Variants in DMRTC1B observed in about 807,000 individuals in gnomAD.
DMRTC1B encodes doublesex- and mab-3-related transcription factor C1.
At chrX:72,820,521 T>C (rs1556348277) in intron 1 of DMRTC1B, among the ~76,000 whole-genome samples, 2 of 113,404 alleles carry the variant, frequency 1.8e-5, no homozygotes, top group East Asian at 2.8e-4. Flanking sequence ...ATTTCTTTTT[T>C]TTTTTTTTTT....
intron 1 of DMRTC1B, among the ~76,000 whole-genome samples, chrX:72,794,960 TC>T (rs2054627470): frequency 1.3e-5 from 1 of 75,551 alleles, no homozygotes; most frequent in Admixed American, 1.6e-4. Context: ...TTTTTAAGAT[TC>T]CACATCTGAG....
chrX:72,839,308 T>G (rs1343832944), intron 1 of DMRTC1B, among the ~76,000 whole-genome samples: 5 of 110,759 alleles, frequency 4.5e-5, no homozygotes, highest in African/African-American at 6.7e-5. Flanking sequence ...ACCCCTTCAT[T>G]GTTACATTTC....
intron 1 of DMRTC1B, among the ~76,000 whole-genome samples, chrX:72,794,845 C>A (rs1426663631): frequency 9.3e-6 from 1 of 107,468 alleles, no homozygotes; most frequent in Admixed American, 1.0e-4. Flanking sequence ...TTATGTCTAA[C>A]CGTAACTTTT....
intron 1 of DMRTC1B, among the ~76,000 whole-genome samples, chrX:72,815,748 TTA>T (rs2054679515): frequency 1.5e-5 from 1 of 68,812 alleles, no homozygotes; most frequent in Non-Finnish European, 2.7e-5. Context: ...CAGTTGTCAT[TTA>T]TATATATATT....
At position 72,807,452 on chromosome X, in the gene DMRTC1B, C is replaced by T. The variant is rs1336490866; in HGVS notation, c.-95+30204C>T. ...CAGTCAAGCGTGCCAGCATTTATTT[C>T]AGGCCCGGTGACCGGGACACTGGGG... On this transcript the variant is annotated intron_variant, in intron 1 of 6. Transcript: ENST00000334036. 90 of 393,013 alleles carry T rather than the reference C, an allele frequency of 2.3e-4. No individual in the cohort carries two copies. The African/African-American group carries it at 3.5e-3, about 15-fold the overall frequency. 32.4% of individuals were successfully genotyped at this position (393,013 alleles called of 1,213,427 possible).
intron 1 of DMRTC1B, among the ~76,000 whole-genome samples, chrX:72,795,641 AG>A (rs1394664274): frequency 1.2e-5 from 1 of 86,109 alleles, no homozygotes; most frequent in Non-Finnish European, 2.3e-5. Flanking sequence ...ACCCCTTGTC[AG>A]ATGCATAGTT....
At chrX:72,840,205 AAGCAAAGC>A in intron 1 of DMRTC1B, among the ~76,000 whole-genome samples, 1 of 75,013 alleles carries the variant, frequency 1.3e-5, no homozygotes, top group African/African-American at 4.3e-5. Context: ...AAGCAAAGCA[AAGCAAAGC>A]AAAGCAAAGC....
At chrX:72,839,953 C>A (rs1219636349) in intron 1 of DMRTC1B, among the ~76,000 whole-genome samples, 1 of 107,252 alleles carries the variant, frequency 9.3e-6, no homozygotes, top group Non-Finnish European at 1.9e-5. Context: ...CACGGAGAAA[C>A]CCCGTCTCTA....
At chrX:72,815,586 A>G (rs1411874879) in intron 1 of DMRTC1B, among the ~76,000 whole-genome samples, 1 of 111,042 alleles carries the variant, frequency 9.0e-6, no homozygotes, top group Non-Finnish European at 1.9e-5. Context: ...AGCATTTCAC[A>G]TACAGTGCTT....
intron 6 of DMRTC1B, among the ~76,000 whole-genome samples, 167 bp from the exon 7 acceptor site, chrX:72,848,096 T>C (rs1196018683): frequency 7.1e-5 from 1 of 14,014 alleles, no homozygotes; most frequent in East Asian, 4.7e-4. Flanking sequence ...GTGGCTTTGA[T>C]GGAAGGATTG....
intron 1 of DMRTC1B, among the ~76,000 whole-genome samples, chrX:72,840,160 A>AAAAGC (rs1211099420): frequency 2.1e-5 from 2 of 94,613 alleles, no homozygotes; most frequent in African/African-American, 8.0e-5. Flanking sequence ...AGAAAAGAGA[A>AAAAGC]AAAGCAAAGC....
chrX:72,848,465 C>T lies in DMRTC1B; in HGVS notation c.*90C>T, dbSNP rs2054752094. 3.1e-5 allele frequency: 1 copy of T among 32,696 alleles called. No individual in the cohort carries two copies. Among genetic ancestry groups the T allele is most frequent in the Non-Finnish European group, 9.9e-4 (1 of 1,012 alleles). The allele number at this position is 32,696 out of a possible 1,213,427, so 2.7% of individuals were successfully genotyped here. A position where few individuals can be genotyped will look rare whatever the true frequency, so the allele number is the denominator to read the frequency against. On this transcript the variant is annotated 3_prime_UTR_variant, in exon 7 of 7. Transcript: ENST00000334036. ...AATGGTTAACGTCCAAAACGCTTAA[C>T]GTCTTTTTTTAAAGCCTTCAGGTGT... is the stretch of plus-strand genomic sequence containing the variant.
intron 1 of DMRTC1B, among the ~76,000 whole-genome samples, chrX:72,840,160 AAAAGCAAAGC>A (rs1211099420): frequency 2.1e-5 from 2 of 94,608 alleles, no homozygotes; most frequent in African/African-American, 8.0e-5. Context: ...AGAAAAGAGA[AAAAGCAAAGC>A]AAAGCAAAGA....
chrX:72,820,275 C>T (rs2054687922), intron 1 of DMRTC1B, among the ~76,000 whole-genome samples: 1 of 56,651 alleles, frequency 1.8e-5, no homozygotes, highest in Non-Finnish European at 3.2e-5. Flanking sequence ...TTGATTTCAG[C>T]GAATAGAACC....
rs1360342004 is a variant in DMRTC1B, at chrX:72,807,568, A to G, written c.-95+30320A>G. On this transcript the variant is annotated intron_variant, in intron 1 of 6. Transcript: ENST00000334036. ...TGGTCTCAGATTCCGAGTGCCCGGT[A>G]TCCTCCCCTAGGGAGGAAAGCGAGT... The G allele has an allele frequency of 3.7e-5, 35 of 938,845 alleles. 1 individual carries two copies. The African/African-American group carries it at 8.9e-4, about 24-fold the overall frequency. The allele number at this position is 938,845 out of a possible 1,213,427, so 77.4% of individuals were successfully genotyped here. A position where few individuals can be genotyped will look rare whatever the true frequency, so the allele number is the denominator to read the frequency against.
intron 1 of DMRTC1B, chrX:72,807,289 C>G: frequency 6.0e-6 from 2 of 333,840 alleles, no homozygotes; most frequent in South Asian, 5.4e-5. Context: ...AGCGCTGCCT[C>G]GAGGAGGAGG....
At position 72,833,925 on chromosome X, in the gene DMRTC1B, A is replaced by T. The variant is rs1234169484; in HGVS notation, c.-94-11117A>T. Among the ~76,000 whole-genome samples the T allele has an allele frequency of 6.8e-3, 4 of 590 alleles. 2 individuals are homozygous for T. The highest frequency in any genetic ancestry group is 0.016 in the African/African-American group (4 of 245). 0.5% of individuals were successfully genotyped at this position (590 alleles called of 115,157 possible). Reference sequence around the variant, plus strand: ...ACAATGAAAACTTCAAGACACTGATAAAAAAAATTGAAGACCACACAAAAT... The same window carrying T: ...ACAATGAAAACTTCAAGACACTGATTAAAAAAATTGAAGACCACACAAAAT... On this transcript the variant is annotated intron_variant, in intron 1 of 6. Transcript: ENST00000334036.
chrX:72,840,183 AAAAGCAAAGC>A (rs781802857), intron 1 of DMRTC1B, among the ~76,000 whole-genome samples: 5,103 of 72,749 alleles, frequency 0.07, 44 homozygotes, highest in African/African-American at 0.14. Context: ...AGCAAAGAGA[AAAAGCAAAGC>A]AAAGCAAAGC....
rs1339615003 is a variant in DMRTC1B, at chrX:72,840,133, AAAAAAAAAAG to A, written c.-94-4905_-94-4896del. Among the ~76,000 whole-genome samples, 46 of 45,838 alleles carry A rather than the reference AAAAAAAAAAG, an allele frequency of 1.0e-3. No homozygotes were observed. The East Asian group carries it at 0.02, about 20-fold the overall frequency. 39.8% of individuals were successfully genotyped at this position (45,838 alleles called of 115,157 possible). A position where few individuals can be genotyped will look rare whatever the true frequency, so the allele number is the denominator to read the frequency against. On this transcript the variant is annotated intron_variant, in intron 1 of 6. Coordinates refer to ENST00000334036, the MANE Select transcript of DMRTC1B (RefSeq NM_001386972.1). ...CAAGAGCGAAACTCCGTCAAAAAAA[AAAAAAAAAAG>A]AAAGAAAGAAAAGAGAAAAAGCAAA...
Sources: gnomAD v4.1 joint callset for allele counts (sites outside exome capture counted in the v4.1 genomes callset) on GRCh38, gnomAD v4.1.1 for gene constraint, MANE v1.5 for transcripts, NCBI Gene and HGNC (gene_info 2026-07-23, HGNC 2026-07-21) for gene names.